Variants in NCOA3 observed in about 807,000 individuals in gnomAD.
NCOA3 encodes the protein nuclear receptor coactivator 3.
In NCOA3, 51 loss-of-function variants were observed where a neutral mutation model predicts 158.8. That is an observed-to-expected ratio of 0.32 (90% CI 0.26 to 0.41). The LOEUF (loss-of-function observed/expected upper bound fraction) is 0.41. Ranked by LOEUF, NCOA3 falls within the 10% of genes least tolerant of loss-of-function variation. NCOA3 has a pLI of 1.00. For missense variants in NCOA3, 1,510 were observed against 1,746.6 expected (o/e 0.86, Z 2.41); for synonymous variants, 537 against 592.4 (o/e 0.91, Z 1.36).
chr20:47,652,336 C>G (rs755994809), intron 20 of NCOA3, 70 bp from the exon 21 acceptor site: 8 of 1,378,100 alleles, frequency 5.8e-6, no homozygotes, highest in Non-Finnish European at 8.0e-6. Context: ...AACAAAATTA[C>G]TACAGAAATC....
At chr20:47,650,748 A>G (rs1238544061) in intron 19 of NCOA3, among the ~76,000 whole-genome samples, 2 of 151,954 alleles carry the variant, frequency 1.3e-5, no homozygotes, top group East Asian at 3.9e-4. Flanking sequence ...CTGTAATCCC[A>G]GCTACTTGGG....
chr20:47,626,925 G>C lies in NCOA3; in HGVS notation c.358-77G>C, dbSNP rs1251723359. On this transcript the variant is annotated intron_variant, in intron 5 of 22. Transcript: ENST00000371998. Reference sequence around the variant, plus strand: ...CCAAATACAGTTACACTGATGGTTAGAGTTTCAATTTAAGAATTAGAGGGA... The same window carrying C: ...CCAAATACAGTTACACTGATGGTTACAGTTTCAATTTAAGAATTAGAGGGA... 3.9e-6 allele frequency: 5 copies of C among 1,277,712 alleles called. No individual in the cohort carries two copies. In the African/African-American group the frequency reaches 4.5e-5, roughly 11 times the overall value. The allele number at this position is 1,277,712 out of a possible 1,614,324, so 79.1% of individuals were successfully genotyped here. A position where few individuals can be genotyped will look rare whatever the true frequency, so the allele number is the denominator to read the frequency against.
Position 47,542,009 on chromosome 20 carries a change from G to GTTTTT in NCOA3, c.-99+40007_-99+40011dup, listed in dbSNP as rs755173294. On this transcript the variant is annotated intron_variant, in intron 1 of 22. Transcript: ENST00000371998. ...ATCAAATTATTTTTTGCCCTGTAGA[G>GTTTTT]TTTTTTTTTTTTTTTTTTTTTGTTG... Among the ~76,000 whole-genome samples the GTTTTT allele has an allele frequency of 2.7e-3, 151 of 56,328 alleles. 6 individuals are homozygous for GTTTTT. The highest frequency in any genetic ancestry group is 8.6e-3 in the African/African-American group (116 of 13,470). The allele number at this position is 56,328 out of a possible 152,430, so 37.0% of individuals were successfully genotyped here. A position where few individuals can be genotyped will look rare whatever the true frequency, so the allele number is the denominator to read the frequency against.
intron 2 of NCOA3, among the ~76,000 whole-genome samples, chr20:47,611,111 AT>A (rs1389094846): frequency 1.3e-5 from 2 of 152,120 alleles, no homozygotes; most frequent in Non-Finnish European, 2.9e-5. Flanking sequence ...AAGCTTTAAC[AT>A]TTACTTCTCA....
rs1556556371 is a variant in NCOA3, at chr20:47,511,550, T to TATATACACACACACACATACAC, written c.-99+9536_-99+9537insCACACACACACATACACATATA. ...ATATATATATATATATATATATATA[T>TATATACACACACACACATACAC]ATATATTTCTTTTTTTTTTTGAGAC... On this transcript the variant is annotated intron_variant, in intron 1 of 22. Coordinates refer to ENST00000371998, the MANE Select transcript of NCOA3 (RefSeq NM_181659.3). Among the ~76,000 whole-genome samples, 5 of 52,270 alleles carry TATATACACACACACACATACAC rather than the reference T, an allele frequency of 9.6e-5. No individual in the cohort carries two copies. In the Admixed American group the frequency reaches 9.6e-4, roughly 10 times the overall value. The allele number at this position is 52,270 out of a possible 152,430, so 34.3% of individuals were successfully genotyped here.
Position 47,649,986 on chromosome 20 carries a change from T to C in NCOA3, c.3651+877T>C, listed in dbSNP as rs565382650. On this transcript the variant is annotated intron_variant, in intron 19 of 22. Coordinates refer to ENST00000371998, the MANE Select transcript of NCOA3 (RefSeq NM_181659.3). ...AAGATTTTCTGAGGTGGACCCCTGC[T>C]TATCTGAGTATAACCCCATCTTATT... Among the ~76,000 whole-genome samples, 5 of 152,070 alleles carry C rather than the reference T, an allele frequency of 3.3e-5. No individual in the cohort carries two copies. In the South Asian group the frequency reaches 1.0e-3, roughly 32 times the overall value.
At chr20:47,554,161 AT>A (rs1421847043) in intron 1 of NCOA3, among the ~76,000 whole-genome samples, 1 of 152,050 alleles carries the variant, frequency 6.6e-6, no homozygotes, top group African/African-American at 2.4e-5. Context: ...GATGACGAGC[AT>A]TTTTTCATGT....
At chr20:47,522,293 G>A (rs1215041275) in intron 1 of NCOA3, among the ~76,000 whole-genome samples, 1 of 151,502 alleles carries the variant, frequency 6.6e-6, no homozygotes, top group Non-Finnish European at 1.5e-5. Context: ...TAGTAGAGAC[G>A]GGGTTTCACC....
chr20:47,568,822 A>G (rs1019371332), intron 1 of NCOA3, among the ~76,000 whole-genome samples: 5 of 152,132 alleles, frequency 3.3e-5, no homozygotes, highest in Admixed American at 3.3e-4. Flanking sequence ...TTGCTAAAAA[A>G]TGCTGATTGA....
Position 47,611,743 on chromosome 20 carries a change from G to T in NCOA3, c.-19-10486G>T, listed in dbSNP as rs969739350. ...GGAGGCGGAAGTTTTAGTAAGCCGA[G>T]ATTGCGCCACTGCACTCCAGCCTGG... On this transcript the variant is annotated intron_variant, in intron 2 of 22. Transcript: ENST00000371998. Among the ~76,000 whole-genome samples, 4 of 152,126 alleles carry T rather than the reference G, an allele frequency of 2.6e-5. No individual in the cohort carries two copies. In the East Asian group the frequency reaches 7.7e-4, roughly 29 times the overall value.
intron 2 of NCOA3, among the ~76,000 whole-genome samples, chr20:47,595,040 C>T (rs1242200561): frequency 6.6e-6 from 1 of 151,482 alleles, no homozygotes; most frequent in Admixed American, 6.6e-5. Flanking sequence ...AATCCGCCTG[C>T]CTTTGCCTCC....
chr20:47,558,603 G>A (rs915246104), intron 1 of NCOA3, among the ~76,000 whole-genome samples: 7 of 152,048 alleles, frequency 4.6e-5, no homozygotes, highest in African/African-American at 9.7e-5. Context: ...GTCACAAGCC[G>A]TCTTGAATAA....
At chr20:47,517,451 C>CTTTTTTTTTTTTTTTTTTTTTTTTT (rs376699406) in intron 1 of NCOA3, among the ~76,000 whole-genome samples, 2 of 129,278 alleles carry the variant, frequency 1.5e-5, no homozygotes, top group African/African-American at 3.2e-5. Context: ...TTTTCTTTTT[C>CTTTTTTTTTTTTTTTTTTTTTTTTT]TTTTTTTTTT....
At chr20:47,520,291 G>T (rs972761152) in intron 1 of NCOA3, among the ~76,000 whole-genome samples, 8 of 151,596 alleles carry the variant, frequency 5.3e-5, no homozygotes, top group Non-Finnish European at 8.8e-5. Flanking sequence ...CTCTGACTCT[G>T]TCTCTCTCTT....
At chr20:47,592,658 C>T (rs1021996466) in intron 2 of NCOA3, among the ~76,000 whole-genome samples, 1 of 152,146 alleles carries the variant, frequency 6.6e-6, no homozygotes, top group Non-Finnish European at 1.5e-5. Flanking sequence ...ATTTTCTTTC[C>T]ATAATGCCAT....
chr20:47,649,208 T>C, intron 19 of NCOA3, 99 bp downstream of exon 19: 1 of 598,232 alleles, frequency 1.7e-6, no homozygotes, highest in Non-Finnish European at 2.8e-6. Flanking sequence ...CAAATGAAGG[T>C]AATTCTGAAT....
intron 3 of NCOA3, among the ~76,000 whole-genome samples, chr20:47,623,528 C>T (rs1304938943): frequency 6.6e-6 from 1 of 152,226 alleles, no homozygotes; most frequent in African/African-American, 2.4e-5. Context: ...TGGCTCATGC[C>T]TGTAATCCCA....
rs755173294 is a variant in NCOA3, at chr20:47,542,009, GTTTTTTT to G, written c.-99+40005_-99+40011del. 3.7e-3 allele frequency among the ~76,000 whole-genome samples: 211 copies of G among 56,362 alleles called. 1 individual carries two copies. The highest frequency in any genetic ancestry group is 0.023 in the Admixed American group (140 of 6,114). The allele number at this position is 56,362 out of a possible 152,430, so 37.0% of individuals were successfully genotyped here. ...ATCAAATTATTTTTTGCCCTGTAGA[GTTTTTTT>G]TTTTTTTTTTTTTTGTTGTTGTTGT... On this transcript the variant is annotated intron_variant, in intron 1 of 22. Coordinates refer to ENST00000371998, the MANE Select transcript of NCOA3 (RefSeq NM_181659.3).
Position 47,637,778 on chromosome 20 carries a change from C to A in NCOA3, c.2507C>A (p.Ser836Tyr), listed in dbSNP as rs940267018. 6.9e-6 allele frequency: 11 copies of A among 1,587,268 alleles called. No individual in the cohort carries two copies. Among genetic ancestry groups the A allele is most frequent in the Non-Finnish European group, 8.5e-6 (10 of 1,171,550 alleles). The part of the protein sequence containing the change: ...TKQQVFQGTN[S>Y]LGLKSSQSVQ... ...CAACAGGTGTTTCAAGGAACTAATT[C>A]TCTGGGTAAGAATGAACTAGGTTTT... The change falls in exon 13 of 23, where the codon TCT (serine) becomes TAT (tyrosine). Residue 836 changes from serine (S) to tyrosine (Y), a missense_variant. Physicochemically the swap from Ser to Tyr is moderately radical, Grantham distance 144. Transcript: ENST00000371998.
Sources: gnomAD v4.1 joint callset for allele counts (sites outside exome capture counted in the v4.1 genomes callset) on GRCh38, gnomAD v4.1.1 for gene constraint, MANE v1.5 for transcripts, NCBI Gene and HGNC (gene_info 2026-07-23, HGNC 2026-07-21) for gene names.